Variants in PHF2 observed in about 807,000 individuals in gnomAD.
The protein encoded by PHF2 is lysine-specific demethylase PHF2.
Under a neutral mutation model 120.5 loss-of-function variants are expected in PHF2, and 27 were observed. The observed-to-expected ratio is 0.22, with a 90% CI of 0.17 to 0.31. The LOEUF (loss-of-function observed/expected upper bound fraction) is 0.31. Ranked by LOEUF, PHF2 falls within the 10% of genes least tolerant of loss-of-function variation. The pLI is 1.00. For missense variants in PHF2, 1,024 were observed against 1,434.8 expected (o/e 0.71, Z 4.63); for synonymous variants, 568 against 592.5 (o/e 0.96, Z 0.60).
At chr9:93,597,604 G>A (rs1321904458) in intron 1 of PHF2, among the ~76,000 whole-genome samples, 1 of 152,118 alleles carries the variant, frequency 6.6e-6, no homozygotes, top group Non-Finnish European at 1.5e-5. Context: ...TTGGCTGCTC[G>A]GCTTGAGTTT....
intron 14 of PHF2, among the ~76,000 whole-genome samples, chr9:93,664,877 C>G (rs971227238): frequency 4.6e-5 from 7 of 152,238 alleles, no homozygotes; most frequent in Admixed American, 3.3e-4. Flanking sequence ...GGCTCGCCGC[C>G]CCTTCACTTA....
chr9:93,668,557 C>T (rs1395398079), intron 17 of PHF2, among the ~76,000 whole-genome samples: 1 of 152,120 alleles, frequency 6.6e-6, no homozygotes, highest in Non-Finnish European at 1.5e-5. Flanking sequence ...GGGCCAAAAG[C>T]CTGGGGGCCA....
intron 3 of PHF2, among the ~76,000 whole-genome samples, chr9:93,640,379 C>T (rs1826156174): frequency 6.6e-6 from 1 of 151,912 alleles, no homozygotes; most frequent in Non-Finnish European, 1.5e-5. Context: ...TCCCCTTGAC[C>T]CCCACCCACA....
At chr9:93,627,874 C>G (rs1825940430) in intron 1 of PHF2, among the ~76,000 whole-genome samples, 1 of 152,138 alleles carries the variant, frequency 6.6e-6, no homozygotes, top group South Asian at 2.1e-4. Flanking sequence ...GCTGTGCCAG[C>G]TCAGGAGAAA....
Position 93,656,893 on chromosome 9 carries a change from C to T in PHF2, c.1147+298C>T, listed in dbSNP as rs551127797. The stretch of plus-strand genomic sequence containing the variant: ...AGTGCAGGTATCAATCACACCTGCT[C>T]CACCCTCCACACTTGCCTCCATTGG... On this transcript the variant is annotated intron_variant, in intron 9 of 21. Transcript: ENST00000359246. The surrounding 1 kb of genome is among the most constrained non-coding windows in gnomAD (Gnocchi z 4.1). Among the ~76,000 whole-genome samples the T allele has an allele frequency of 1.6e-4, 25 of 152,288 alleles. No individual in the cohort carries two copies. Among genetic ancestry groups the T allele is most frequent in the Non-Finnish European group, 3.4e-4 (23 of 68,024 alleles).
Position 93,656,142 on chromosome 9 carries a change from A to C in PHF2, c.1040+121A>C, listed in dbSNP as rs993431335. ...CAGCCCGCCTGTGGGTGGCCTGGAC[A>C]TGACCGTCAGCCTCGGTGGGCCTCT... On this transcript the variant is annotated intron_variant, in intron 8 of 21. Transcript: ENST00000359246. The surrounding 1 kb of genome is among the most constrained non-coding windows in gnomAD (Gnocchi z 4.1). 20 of 768,160 alleles carry C rather than the reference A, an allele frequency of 2.6e-5. No individual in the cohort carries two copies. Among genetic ancestry groups the C allele is most frequent in the Non-Finnish European group, 4.3e-5 (20 of 462,000 alleles). 47.6% of individuals were successfully genotyped at this position (768,160 alleles called of 1,614,324 possible). A position where few individuals can be genotyped will look rare whatever the true frequency, so the allele number is the denominator to read the frequency against.
chr9:93,607,802 A>G (rs555803655), intron 1 of PHF2, among the ~76,000 whole-genome samples: 1 of 152,296 alleles, frequency 6.6e-6, no homozygotes, highest in East Asian at 1.9e-4. Context: ...TTTCTGATAA[A>G]TAAGAAAGCA....
Position 93,656,110 on chromosome 9 carries a change from C to G in PHF2, c.1040+89C>G. The G allele has an allele frequency of 1.9e-6, 2 of 1,028,480 alleles. No homozygotes were observed. The highest frequency in any genetic ancestry group is 2.9e-6 in the Non-Finnish European group (2 of 685,258). The allele number at this position is 1,028,480 out of a possible 1,614,324, so 63.7% of individuals were successfully genotyped here. ...CGGTGCTAGATGCCTTGGGCTGAGT[C>G]CTGGCACAGCCCGCCTGTGGGTGGC... On this transcript the variant is annotated intron_variant, in intron 8 of 21. Transcript: ENST00000359246. This position sits in a 1 kb window ranked among gnomAD's most constrained non-coding sequence, Gnocchi z 4.1.
chr9:93,668,887 A>T (rs568204093), intron 17 of PHF2, among the ~76,000 whole-genome samples: 1 of 152,318 alleles, frequency 6.6e-6, no homozygotes, highest in Non-Finnish European at 1.5e-5. Flanking sequence ...TTTGGAGCGT[A>T]GGTCAGTTTT....
chr9:93,619,360 G>A (rs1825785981), intron 1 of PHF2, among the ~76,000 whole-genome samples: 1 of 152,268 alleles, frequency 6.6e-6, no homozygotes, highest in Non-Finnish European at 1.5e-5. Flanking sequence ...GACTTGCTCA[G>A]AGGGCCTGAT....
intron 1 of PHF2, 67 bp from the exon 2 acceptor site, chr9:93,629,903 T>G: frequency 6.8e-7 from 1 of 1,480,268 alleles, no homozygotes. Flanking sequence ...CCCTAGAGCT[T>G]CGCAGATGGA....
chr9:93,656,085 C>A lies in PHF2; in HGVS notation c.1040+64C>A. 7.2e-7 allele frequency: 1 copy of A among 1,398,332 alleles called. No homozygotes were observed. The highest frequency in any genetic ancestry group is 9.9e-7 in the Non-Finnish European group (1 of 1,007,722). 86.6% of individuals were successfully genotyped at this position (1,398,332 alleles called of 1,614,324 possible). A position where few individuals can be genotyped will look rare whatever the true frequency, so the allele number is the denominator to read the frequency against. ...AGCAGCGTCCTCCCTCTAGCTGGGT[C>A]GGTGCTAGATGCCTTGGGCTGAGTC... On this transcript the variant is annotated intron_variant, in intron 8 of 21. Transcript: ENST00000359246. This position sits in a 1 kb window ranked among gnomAD's most constrained non-coding sequence, Gnocchi z 4.1.
In PHF2 at chr9:93,656,735, G is replaced by C. The variant is rs1255891562; in HGVS notation, c.1147+140G>C. On this transcript the variant is annotated intron_variant, in intron 9 of 21. Coordinates refer to ENST00000359246, the MANE Select transcript of PHF2 (RefSeq NM_005392.4). This position sits in a 1 kb window ranked among gnomAD's most constrained non-coding sequence, Gnocchi z 4.1. ...AAGTCCTCTTGGGACTCAGACCCCT[G>C]GGGCTCAGTTTCCCCATCTGTATAA... is the stretch of plus-strand genomic sequence containing the variant. 1.2e-5 allele frequency: 8 copies of C among 644,552 alleles called. No individual in the cohort carries two copies. The African/African-American group carries it at 1.4e-4, about 12-fold the overall frequency. 39.9% of individuals were successfully genotyped at this position (644,552 alleles called of 1,614,324 possible).
At chr9:93,671,385 T>G (rs1458211539) in intron 17 of PHF2, among the ~76,000 whole-genome samples, 2 of 122,354 alleles carry the variant, frequency 1.6e-5, no homozygotes, top group African/African-American at 6.5e-5. Context: ...TGGATGTAGG[T>G]ACAGGTGTAG....
chr9:93,588,448 C>T (rs775421944), intron 1 of PHF2, among the ~76,000 whole-genome samples: 4 of 152,120 alleles, frequency 2.6e-5, no homozygotes, highest in South Asian at 2.1e-4. Context: ...AAGCCAGCAA[C>T]GAGAATAACT....
At chr9:93,583,044 C>G (rs1020867770) in intron 1 of PHF2, among the ~76,000 whole-genome samples, 4 of 152,212 alleles carry the variant, frequency 2.6e-5, no homozygotes, top group African/African-American at 9.7e-5. Context: ...ACCCGGTATC[C>G]AATAAGTAGT....
chr9:93,642,475 A>G (rs377376241), intron 3 of PHF2, among the ~76,000 whole-genome samples: 2 of 152,220 alleles, frequency 1.3e-5, no homozygotes, highest in South Asian at 2.1e-4. Context: ...TTGTCTGACA[A>G]TGACTGTCTT....
At chr9:93,603,330 T>G (rs2398845) in intron 1 of PHF2, among the ~76,000 whole-genome samples, 57,008 of 151,976 alleles carry the variant, frequency 0.38, 11,007 homozygotes, top group Non-Finnish European at 0.4. Context: ...TTAGCTGTGG[T>G]TGTCTACGGC....
At chr9:93,579,828 C>T (rs1564369720) in intron 1 of PHF2, among the ~76,000 whole-genome samples, 1 of 152,228 alleles carries the variant, frequency 6.6e-6, no homozygotes, top group East Asian at 1.9e-4. Context: ...GCTTTGGCGG[C>T]AGCCGAGAAC....
Sources: allele counts gnomAD v4.1 joint callset (sites outside exome capture counted in the v4.1 genomes callset), GRCh38; gene constraint gnomAD v4.1.1; non-coding constraint Gnocchi (gnomAD v3.1); transcripts MANE v1.5; gene names NCBI Gene and HGNC (gene_info 2026-07-23, HGNC 2026-07-21).